Variants in PCDHGB2 observed in about 807,000 individuals in gnomAD.
PCDHGB2 encodes protocadherin gamma subfamily B, 2, also known as protocadherin gamma-B2.
PCDHGB2 carries 55 observed loss-of-function variants against 59.3 expected under a neutral mutation model. The ratio of observed to expected loss-of-function variants is 0.93; its 90% CI spans 0.75 to 1.16. The LOEUF (loss-of-function observed/expected upper bound fraction) is 1.16, where lower values mean the gene tolerates loss of function less well. PCDHGB2 is among the 50% of genes most tolerant of loss of function. PCDHGB2 has a pLI of 0.00. For missense variants in PCDHGB2, 1,228 were observed against 1,198.5 expected (o/e 1.02, Z -0.36); for synonymous variants, 516 against 512.0 (o/e 1.01, Z -0.11).
chr5:141,451,037 C>T (rs1293972996), intron 1 of PCDHGB2, among the ~76,000 whole-genome samples: 1 of 151,594 alleles, frequency 6.6e-6, no homozygotes, highest in Middle Eastern at 3.2e-3. Context: ...ACCATATTGG[C>T]CAGGCTGGTC....
At position 141,486,765 on chromosome 5, in the gene PCDHGB2, T is replaced by C; in HGVS notation, c.2422-8042T>C. On this transcript the variant is annotated intron_variant, in intron 1 of 3. Transcript: ENST00000522605. This position sits in a 1 kb window ranked among gnomAD's most constrained non-coding sequence, Gnocchi z 5.0. ...TTTGACTATGAGCAAACCCAGACACTGCAGTTTGAGGTGCAGGCCCGGGAT... is the reference window on the plus strand; with the variant it reads ...TTTGACTATGAGCAAACCCAGACACCGCAGTTTGAGGTGCAGGCCCGGGAT... 4 of 1,614,230 alleles carry C rather than the reference T, an allele frequency of 2.5e-6. No individual in the cohort carries two copies. Among genetic ancestry groups the C allele is most frequent in the Non-Finnish European group, 3.4e-6 (4 of 1,180,038 alleles).
rs934206266 is a variant in PCDHGB2, at chr5:141,483,131, G to A, written c.2422-11676G>A. Among the ~76,000 whole-genome samples, 14 of 152,274 alleles carry A rather than the reference G, an allele frequency of 9.2e-5. No individual in the cohort carries two copies. The South Asian group carries it at 2.9e-3, about 32-fold the overall frequency. On this transcript the variant is annotated intron_variant, in intron 1 of 3. Transcript: ENST00000522605. ...AACAGACAGTCTTTGTAGGAGATGA[G>A]GTGAAGCAAGTAGGCAGGAGTTAGA...
intron 1 of PCDHGB2, chr5:141,423,760 G>A: frequency 1.1e-5 from 3 of 279,660 alleles, no homozygotes; most frequent in Non-Finnish European, 1.1e-5. Flanking sequence ...TGGGGGGGGG[G>A]TGGGGCGGCA....
chr5:141,378,930 G>T (rs1588866145), intron 1 of PCDHGB2: 1 of 152,190 alleles, frequency 6.6e-6, no homozygotes, highest in East Asian at 1.9e-4. Flanking sequence ...GTAAGTTGAT[G>T]GCCCTGGAAT....
At chr5:141,420,413 A>T in intron 1 of PCDHGB2, 1 of 1,222,396 alleles carries the variant, frequency 8.2e-7, no homozygotes, top group Non-Finnish European at 1.1e-6. Context: ...GGTTATCATT[A>T]TTAAAACAAA....
chr5:141,360,806 G>A lies in PCDHGB2; in HGVS notation c.671G>A (p.Gly224Asp), dbSNP rs569018820. The A allele has an allele frequency of 1.5e-5, 25 of 1,613,912 alleles. No individual in the cohort carries two copies. Among genetic ancestry groups the A allele is most frequent in the East Asian group, 2.2e-5 (1 of 44,878 alleles). Residue 224 changes from glycine to aspartate, a missense_variant, in exon 1 of 4, where the codon GGC becomes GAC. Gly to Asp is a moderately conservative substitution (Grantham distance 94). Coordinates refer to ENST00000522605, the MANE Select transcript of PCDHGB2 (RefSeq NM_018923.3). ...AVDGGDPPQS[G>D]TTQIRIKVTD... ...GATGGCGGAGACCCACCTCAAAGTG[G>A]CACGACCCAAATCCGAATCAAAGTC...
At chr5:141,410,699 A>T (rs760193148) in intron 1 of PCDHGB2, 1 of 1,478,344 alleles carries the variant, frequency 6.8e-7, no homozygotes, top group East Asian at 2.3e-5. Flanking sequence ...CTTTATTTTC[A>T]TATCTAGAAT....
chr5:141,445,975 G>A (rs1279186740), intron 1 of PCDHGB2, among the ~76,000 whole-genome samples: 1 of 152,124 alleles, frequency 6.6e-6, no homozygotes, highest in Non-Finnish European at 1.5e-5. Flanking sequence ...TGATTTATGA[G>A]GGTTATAAAT....
In PCDHGB2 at chr5:141,419,577, C is replaced by A. The variant is rs1182305164; in HGVS notation, c.2421+57021C>A. ...CCTGCGCTGGGTCCCGACGGCTCCG[C>A]GCTCTTCGACACAGTGCCGCGGGCC... On this transcript the variant is annotated intron_variant, in intron 1 of 3. Coordinates refer to ENST00000522605, the MANE Select transcript of PCDHGB2 (RefSeq NM_018923.3). 3.1e-6 allele frequency: 5 copies of A among 1,611,732 alleles called. No individual in the cohort carries two copies. The South Asian group carries it at 5.5e-5, about 18-fold the overall frequency.
chr5:141,365,484 C>T (rs1763944357), intron 1 of PCDHGB2: 1 of 1,613,876 alleles, frequency 6.2e-7, no homozygotes, highest in African/African-American at 1.3e-5. Flanking sequence ...ATTGCATGCT[C>T]TATTCCTAGG....
chr5:141,511,115 A>G lies in PCDHGB2; in HGVS notation c.2738A>G (p.Lys913Arg). 6.2e-7 allele frequency: 1 copy of G among 1,614,214 alleles called. No individual in the cohort carries two copies. Among genetic ancestry groups the G allele is most frequent in the Non-Finnish European group, 8.5e-7 (1 of 1,180,006 alleles). ...AACGCAGCTGGCAAGCGGGATGGCA[A>G]GGCCCCAGCAGGTGGCAATGGCAAC... Reference protein sequence around the residue: ...LTNAAGKRDGKAPAGGNGNKK... With the variant: ...LTNAAGKRDGRAPAGGNGNKK... Residue 913 changes from lysine (K) to arginine (R), a missense_variant, in exon 4 of 4, where the codon AAG becomes AGG. Coordinates refer to ENST00000522605, the MANE Select transcript of PCDHGB2 (RefSeq NM_018923.3).
chr5:141,421,160 A>T, intron 1 of PCDHGB2: 1 of 1,250,104 alleles, frequency 8.0e-7, no homozygotes, highest in Non-Finnish European at 1.1e-6. Flanking sequence ...CTAGGACTTC[A>T]TAGATACATA....
chr5:141,403,052 T>G (rs1336291522), intron 1 of PCDHGB2: 4 of 1,614,066 alleles, frequency 2.5e-6, no homozygotes, highest in Admixed American at 1.7e-5. Context: ...GATTCGCTAC[T>G]CAGTGCCTGA....
At chr5:141,421,895 G>C in intron 1 of PCDHGB2, 1 of 1,613,730 alleles carries the variant, frequency 6.2e-7, no homozygotes, top group Non-Finnish European at 8.5e-7. Context: ...GATCCCATCC[G>C]AAAGGGCGCA....
Position 141,389,109 on chromosome 5 carries a change from G to A in PCDHGB2, c.2421+26553G>A, listed in dbSNP as rs144915863. On this transcript the variant is annotated intron_variant, in intron 1 of 3. Transcript: ENST00000522605. ...TAAATTAGTGACAGATGCTGTTCTA[G>A]ACCGCGAGCAGAATCCAGAGTACAA... 616 of 1,614,020 alleles carry A rather than the reference G, an allele frequency of 3.8e-4. 2 individuals are homozygous for A. The highest frequency in any genetic ancestry group is 1.2e-3 in the Middle Eastern group (7 of 6,062).
chr5:141,431,473 C>T lies in PCDHGB2; in HGVS notation c.2422-63334C>T, dbSNP rs750300971. ...TGATGGTTCTGGATGCGAACGACAA[C>T]GCACCAGCGTTTGCTCAGCCCGAGT... On this transcript the variant is annotated intron_variant, in intron 1 of 3. Coordinates refer to ENST00000522605, the MANE Select transcript of PCDHGB2 (RefSeq NM_018923.3). This position sits in a 1 kb window ranked among gnomAD's most constrained non-coding sequence, Gnocchi z 4.8. 4.3e-6 allele frequency: 7 copies of T among 1,613,832 alleles called. No individual in the cohort carries two copies. The Admixed American group carries it at 1.2e-4, about 27-fold the overall frequency.
chr5:141,403,308 T>C (rs1245270186), intron 1 of PCDHGB2: 2 of 1,613,866 alleles, frequency 1.2e-6, no homozygotes, highest in Admixed American at 1.7e-5. Flanking sequence ...CTGTACGGAA[T>C]AGAAATAGAA....
chr5:141,379,313 AG>A (rs1433876569), intron 1 of PCDHGB2: 2 of 152,264 alleles, frequency 1.3e-5, no homozygotes, highest in Non-Finnish European at 2.9e-5. Context: ...CCTAAACAAG[AG>A]ATCTAATCAT....
At chr5:141,494,188 T>C (rs2099752632) in intron 1 of PCDHGB2, among the ~76,000 whole-genome samples, 1 of 152,186 alleles carries the variant, frequency 6.6e-6, no homozygotes, top group South Asian at 2.1e-4. Flanking sequence ...GTCCCGGGAC[T>C]TGGATGCCCC....
Sources: allele counts gnomAD v4.1 joint callset (sites outside exome capture counted in the v4.1 genomes callset), GRCh38; gene constraint gnomAD v4.1.1; non-coding constraint Gnocchi (gnomAD v3.1); transcripts MANE v1.5; gene names NCBI Gene and HGNC (gene_info 2026-07-23, HGNC 2026-07-21).